AGO3: variants seen among roughly 807,000 people sequenced by gnomAD.
AGO3 encodes argonaute RISC catalytic component 3.
In AGO3, 16 loss-of-function variants were observed where a neutral mutation model predicts 105.5. The ratio of observed to expected loss-of-function variants is 0.15; its 90% CI spans 0.10 to 0.23. AGO3 has a LOEUF of 0.23. AGO3 is among the 10% of genes least tolerant of loss of function. AGO3 has a pLI of 1.00. For missense variants in AGO3, 534 were observed against 1,088.0 expected, an observed-to-expected ratio of 0.49 and a Z score of 7.16; for synonymous variants, 340 against 367.3, an observed-to-expected ratio of 0.93 and a Z score of 0.85.
At chr1:35,968,925 T>A (rs1646818901) in intron 3 of AGO3, among the ~76,000 whole-genome samples, 1 of 151,978 alleles carries the variant, frequency 6.6e-6, no homozygotes, top group Admixed American at 6.6e-5. Flanking sequence ...GTTCGTTTTC[T>A]AATAGTAACC....
chr1:36,042,844 T>C (rs954870397), intron 16 of AGO3, among the ~76,000 whole-genome samples: 1 of 152,242 alleles, frequency 6.6e-6, no homozygotes, highest in African/African-American at 2.4e-5. Flanking sequence ...AATTATTTCA[T>C]TGTTTGAATC....
chr1:36,015,983 TGAA>T (rs1193815716), intron 11 of AGO3, among the ~76,000 whole-genome samples: 1 of 152,286 alleles, frequency 6.6e-6, no homozygotes, highest in Non-Finnish European at 1.5e-5. Context: ...GCCGCATGGT[TGAA>T]GAAGATTTAT....
intron 17 of AGO3, 107 bp from the exon 18 acceptor site, chr1:36,054,839 G>A (rs779066859): frequency 2.3e-5 from 24 of 1,035,854 alleles, no homozygotes; most frequent in Non-Finnish European, 2.8e-5. Flanking sequence ...CTGAGATCAC[G>A]CCATTGCACT....
Position 36,055,016 on chromosome 1 carries a change from T to C in AGO3, c.2345T>C (p.Leu782Pro). 2 of 1,614,244 alleles carry C rather than the reference T, an allele frequency of 1.2e-6. No homozygotes were observed. The highest frequency in any genetic ancestry group is 1.7e-6 in the Non-Finnish European group (2 of 1,180,036). The change falls in exon 18 of 19, where the codon CTG becomes CCG. Residue 782 changes from leucine to proline, a missense_variant. Around this residue, in one of 2 missense-constraint regions of AGO3, gnomAD observed 373 missense variants for 854.0 expected, o/e 0.44. Transcript: ENST00000373191. The surrounding 1 kb of genome is among the most constrained non-coding windows in gnomAD (Gnocchi z 4.4). Reference protein sequence around the residue: ...DNCFTADELQLLTYQLCHTYV... With the variant: ...DNCFTADELQPLTYQLCHTYV... ...TGCTTTACTGCAGATGAACTTCAGC[T>C]GCTAACTTACCAGCTCTGCCACACT...
rs1015622637 is a variant in AGO3 at position 36,057,216 on chromosome 1, T to G, written c.*1471T>G. On this transcript the variant is annotated 3_prime_UTR_variant, in exon 19 of 19. Coordinates refer to ENST00000373191, the MANE Select transcript of AGO3 (RefSeq NM_024852.4). ...GGTAAATATTTTAAAAGATTAGAGCTCTGTAGGGTTGAGACCTCTGAAATT... is the reference window on the plus strand; with the variant it reads ...GGTAAATATTTTAAAAGATTAGAGCGCTGTAGGGTTGAGACCTCTGAAATT... 2.0e-5 allele frequency: 3 copies of G among 152,148 alleles called. No homozygotes were observed. Among genetic ancestry groups the G allele is most frequent in the African/African-American group, 7.2e-5 (3 of 41,422 alleles). 9.4% of individuals were successfully genotyped at this position (152,148 alleles called of 1,614,324 possible).
chr1:35,933,604 T>G (rs891689822), intron 1 of AGO3, among the ~76,000 whole-genome samples: 1 of 113,420 alleles, frequency 8.8e-6, no homozygotes, highest in African/African-American at 3.5e-5. Context: ...ATCGCGCCAC[T>G]AACTCCAGCC....
rs1487578863 is a variant in AGO3 at position 36,055,624 on chromosome 1, A to T, written c.2475-13A>T. 10 of 1,611,636 alleles carry T rather than the reference A, an allele frequency of 6.2e-6. No homozygotes were observed. Among genetic ancestry groups the T allele is most frequent in the Non-Finnish European group, 8.5e-6 (10 of 1,178,482 alleles). ...AAAGTTTGTTTTTGTGTTCATTGCCACTTCTCTTACAGTGCTGAAGGAAGT... is the reference window on the plus strand; with the variant it reads ...AAAGTTTGTTTTTGTGTTCATTGCCTCTTCTCTTACAGTGCTGAAGGAAGT... On this transcript the variant is annotated splice_polypyrimidine_tract_variant and intron_variant, in intron 18 of 18. Coordinates refer to ENST00000373191, the MANE Select transcript of AGO3 (RefSeq NM_024852.4). This position sits in a 1 kb window ranked among gnomAD's most constrained non-coding sequence, Gnocchi z 4.4.
intron 9 of AGO3, among the ~76,000 whole-genome samples, chr1:36,010,957 A>G (rs962938215): frequency 6.6e-6 from 1 of 151,926 alleles, no homozygotes; most frequent in African/African-American, 2.4e-5. Flanking sequence ...AAGAAAGAGA[A>G]AAAGAGAGAG....
At chr1:36,022,217 A>C (rs564209761) in intron 11 of AGO3, among the ~76,000 whole-genome samples, 1 of 152,000 alleles carries the variant, frequency 6.6e-6, no homozygotes, top group East Asian at 1.9e-4. Context: ...GGGACTTGCC[A>C]CTATGCTCTG....
intron 1 of AGO3, among the ~76,000 whole-genome samples, chr1:35,936,853 T>G (rs984447280): frequency 2.6e-5 from 4 of 152,070 alleles, no homozygotes; most frequent in African/African-American, 9.7e-5. Context: ...ATTGCAGGAG[T>G]GAGCCACCAT....
chr1:35,967,165 A>G (rs1319365960), intron 3 of AGO3, 90 bp downstream of exon 3: 70 of 1,400,038 alleles, frequency 5.0e-5, no homozygotes, highest in Non-Finnish European at 6.0e-5. Flanking sequence ...CAGTCCATAT[A>G]TATGTGAATA....
At chr1:36,044,546 C>T (rs963753006) in intron 17 of AGO3, among the ~76,000 whole-genome samples, 1 of 152,052 alleles carries the variant, frequency 6.6e-6, no homozygotes, top group Non-Finnish European at 1.5e-5. Flanking sequence ...GCCTCAGCCT[C>T]CCTAGTAGCT....
chr1:35,930,998 G>A, upstream of AGO3: 1 of 349,994 alleles, frequency 2.9e-6, no homozygotes, highest in Non-Finnish European at 5.1e-6. Flanking sequence ...GGCCGCTCCT[G>A]CCCCGACGTC....
intron 1 of AGO3, among the ~76,000 whole-genome samples, chr1:35,941,028 A>G (rs138994225): frequency 3.9e-5 from 6 of 152,106 alleles, no homozygotes; most frequent in African/African-American, 1.2e-4. Flanking sequence ...CTCCACACTC[A>G]TCTAACTGCT....
intron 5 of AGO3, among the ~76,000 whole-genome samples, chr1:35,973,778 C>T (rs1306704003): frequency 6.6e-6 from 1 of 152,124 alleles, no homozygotes; most frequent in African/African-American, 2.4e-5. Flanking sequence ...TCTATTATAA[C>T]TCACTTTTGC....
At chr1:35,962,404 A>G (rs946746500) in intron 2 of AGO3, among the ~76,000 whole-genome samples, 12 of 152,076 alleles carry the variant, frequency 7.9e-5, no homozygotes, top group Middle Eastern at 3.4e-3. Context: ...TTAGCCAGGC[A>G]TGGTGGCGGG....
In AGO3 at chr1:36,039,776, T is replaced by A; in HGVS notation, c.1843-14T>A. The A allele has an allele frequency of 8.7e-6, 12 of 1,378,852 alleles. No individual in the cohort carries two copies. The highest frequency in any genetic ancestry group is 1.1e-5 in the Non-Finnish European group (12 of 1,053,936). The allele number at this position is 1,378,852 out of a possible 1,614,324, so 85.4% of individuals were successfully genotyped here. A position where few individuals can be genotyped will look rare whatever the true frequency, so the allele number is the denominator to read the frequency against. On this transcript the variant is annotated splice_polypyrimidine_tract_variant and intron_variant, in intron 14 of 18. Coordinates refer to ENST00000373191, the MANE Select transcript of AGO3 (RefSeq NM_024852.4). ...TTATTTATTTATTTATTTATTTTAC[T>A]TTTTCTAACCTAGGTTGTAGGTAGT...
chr1:35,963,672 T>TAA (rs900249936), intron 2 of AGO3, among the ~76,000 whole-genome samples: 9 of 146,090 alleles, frequency 6.2e-5, no homozygotes, highest in Non-Finnish European at 1.4e-4. Flanking sequence ...TGGGTTGGAG[T>TAA]AAAAAAAAAA....
At chr1:35,980,118 CTAT>C (rs1475709798) in intron 5 of AGO3, among the ~76,000 whole-genome samples, 13 of 152,204 alleles carry the variant, frequency 8.5e-5, no homozygotes, top group Middle Eastern at 3.4e-3. Context: ...CATATGATAC[CTAT>C]CTTCCTCTGT....
Sources: gnomAD v4.1 joint callset for allele counts (sites outside exome capture counted in the v4.1 genomes callset) on GRCh38, gnomAD v4.1.1 for gene constraint, gnomAD v4.1.1 regional missense constraint, Gnocchi (gnomAD v3.1) non-coding constraint, MANE v1.5 for transcripts, NCBI Gene and HGNC (gene_info 2026-07-23, HGNC 2026-07-21) for gene names.